VPS35L: variants seen among roughly 807,000 people sequenced by gnomAD.
The protein encoded by VPS35L is VPS35 endosomal protein sorting factor like.
Under a neutral mutation model 133.0 loss-of-function variants are expected in VPS35L, and 83 were observed. The ratio of observed to expected loss-of-function variants is 0.62; its 90% CI spans 0.52 to 0.75. The LOEUF (loss-of-function observed/expected upper bound fraction) is 0.75, where lower values mean the gene tolerates loss of function less well. Ranked by LOEUF, VPS35L falls within the 30% of genes least tolerant of loss-of-function variation. The pLI is 0.00. For missense variants in VPS35L, 1,083 were observed against 1,206.8 expected (o/e 0.90, Z 1.52); for synonymous variants, 423 against 449.9 (o/e 0.94, Z 0.76).
chr16:19,594,959 G>A (rs1300300099), intron 8 of VPS35L, among the ~76,000 whole-genome samples: 1 of 152,128 alleles, frequency 6.6e-6, no homozygotes, highest in Non-Finnish European at 1.5e-5. Context: ...TGGAGGCCAG[G>A]GGCAGAAGAG....
At chr16:19,576,174 A>C (rs1043495084) in intron 5 of VPS35L, among the ~76,000 whole-genome samples, 3 of 142,468 alleles carry the variant, frequency 2.1e-5, no homozygotes, top group African/African-American at 7.9e-5. Flanking sequence ...TCAAAAAAAA[A>C]AAAAAACAAA....
At chr16:19,649,565 A>C (rs1416054994) in intron 24 of VPS35L, among the ~76,000 whole-genome samples, 1 of 152,206 alleles carries the variant, frequency 6.6e-6, no homozygotes, top group East Asian at 1.9e-4. Flanking sequence ...AACGTGCAAC[A>C]AACAAGTATT....
At chr16:19,582,268 C>T (rs1567399078) in intron 7 of VPS35L, among the ~76,000 whole-genome samples, 1 of 152,100 alleles carries the variant, frequency 6.6e-6, no homozygotes, top group East Asian at 1.9e-4. Flanking sequence ...AAAATGTGCT[C>T]AGAAGCATAT....
chr16:19,634,344 G>A (rs898833490), intron 19 of VPS35L, among the ~76,000 whole-genome samples: 2 of 151,050 alleles, frequency 1.3e-5, no homozygotes, highest in Admixed American at 1.3e-4. Flanking sequence ...TGCTATAGTA[G>A]GAGAATCACC....
intron 13 of VPS35L, 79 bp from the exon 14 acceptor site, chr16:19,616,607 C>T: frequency 6.5e-7 from 1 of 1,536,696 alleles, no homozygotes; most frequent in South Asian, 1.2e-5. Flanking sequence ...CAAGTATGCA[C>T]AGTCTGTGAG....
In VPS35L at chr16:19,633,930, G is replaced by A. The variant is rs2353937; in HGVS notation, c.1635+758G>A. ...TTTAGTAGAGTTGGGGTTTCACCGC[G>A]TTAGCCAGGGTGGTCTCGATGTCCT... On this transcript the variant is annotated intron_variant, in intron 19 of 30. Coordinates refer to ENST00000417362, the MANE Select transcript of VPS35L (RefSeq NM_020314.7). The surrounding 1 kb of genome is among the most constrained non-coding windows in gnomAD (Gnocchi z 4.1). 0.4 allele frequency among the ~76,000 whole-genome samples: 60,511 copies of A among 151,480 alleles called. 12,731 individuals carry two copies. Among genetic ancestry groups the A allele is most frequent in the African/African-American group, 0.52 (21,587 of 41,304 alleles).
chr16:19,561,819 C>G (rs779943876), intron 1 of VPS35L, among the ~76,000 whole-genome samples: 9 of 152,112 alleles, frequency 5.9e-5, no homozygotes, highest in Non-Finnish European at 1.3e-4. Context: ...TAAAGAAAAA[C>G]TATTGGCTGG....
At chr16:19,575,683 T>G (rs1367777359) in intron 5 of VPS35L, among the ~76,000 whole-genome samples, 1 of 150,172 alleles carries the variant, frequency 6.7e-6, no homozygotes, top group African/African-American at 2.5e-5. Flanking sequence ...GCCAACATGG[T>G]GAAACCCCAT....
intron 27 of VPS35L, among the ~76,000 whole-genome samples, chr16:19,673,157 A>C (rs1015163299): frequency 6.6e-6 from 1 of 152,184 alleles, no homozygotes; most frequent in Non-Finnish European, 1.5e-5. Flanking sequence ...TGCTTTGTAA[A>C]CCTGAAACTC....
chr16:19,590,463 T>A (rs894437893), intron 7 of VPS35L, among the ~76,000 whole-genome samples: 2 of 152,186 alleles, frequency 1.3e-5, no homozygotes, highest in Non-Finnish European at 2.9e-5. Context: ...GTTATTTAAT[T>A]CCTTATGCTG....
At chr16:19,608,049 G>T (rs1175396901) in intron 9 of VPS35L, 129 bp from the exon 10 acceptor site, 18 of 676,596 alleles carry the variant, frequency 2.7e-5, no homozygotes, top group Non-Finnish European at 4.7e-5. Flanking sequence ...TCCTAATAGT[G>T]ATATTTGGAA....
intron 18 of VPS35L, among the ~76,000 whole-genome samples, chr16:19,630,895 GCTACCCA>G (rs1973435398): frequency 1.3e-5 from 2 of 152,098 alleles, no homozygotes; most frequent in Non-Finnish European, 2.9e-5. Context: ...TGTAGTCCTA[GCTACCCA>G]GGAGGTTGAG....
chr16:19,663,393 A>G (rs1286279017), intron 26 of VPS35L, among the ~76,000 whole-genome samples: 1 of 152,104 alleles, frequency 6.6e-6, no homozygotes, highest in Admixed American at 6.6e-5. Flanking sequence ...CCAATATTAC[A>G]CCTAATAGTT....
rs1343434791 is a variant in VPS35L at position 19,640,059 on chromosome 16, G to A, written c.1743G>A (p.Val581=). 3 of 1,614,230 alleles carry A rather than the reference G, an allele frequency of 1.9e-6. No homozygotes were observed. The Admixed American group carries it at 5.0e-5, about 27-fold the overall frequency. The change falls in exon 21 of 31, where the codon GTG becomes GTA. Residue 581 remains valine, a synonymous_variant. Transcript: ENST00000417362. The stretch of plus-strand genomic sequence containing the variant: ...TGGACATGTTCCAAAAAGAGAGTGT[G>A]CGGGTGGAGGTTTGCAAATGCATCA... The part of the protein sequence containing the change: ...PFLDMFQKES[V]RVEVCKCIMD...
In VPS35L at chr16:19,573,210, C is replaced by G; in HGVS notation, c.377C>G (p.Ala126Gly). The change falls in exon 4 of 31, where the codon GCC becomes GGC. Residue 126 changes from alanine to glycine, a missense_variant. Physicochemically the swap from Ala to Gly is moderately conservative, Grantham distance 60. Coordinates refer to ENST00000417362, the MANE Select transcript of VPS35L (RefSeq NM_020314.7). ...ACCAACAAACGGGGAGAAATCCTTG[C>G]CCGGTACACCACTACCGAAAAGCTG... ...PWTNKRGEIL[A>G]RYTTTEKLSI... 1 of 1,613,910 alleles carries G rather than the reference C, an allele frequency of 6.2e-7. No individual in the cohort carries two copies. The highest frequency in any genetic ancestry group is 8.5e-7 in the Non-Finnish European group (1 of 1,179,872).
At chr16:19,668,619 T>A (rs751587727) in intron 26 of VPS35L, among the ~76,000 whole-genome samples, 1 of 151,808 alleles carries the variant, frequency 6.6e-6, no homozygotes, top group African/African-American at 2.4e-5. Flanking sequence ...TGTGTGTGTG[T>A]GCTGTGTTCC....
At chr16:19,628,231 G>A (rs1194459578) in intron 16 of VPS35L, among the ~76,000 whole-genome samples, 1 of 152,118 alleles carries the variant, frequency 6.6e-6, no homozygotes, top group Non-Finnish European at 1.5e-5. Flanking sequence ...GGGTGTGGTG[G>A]TGCATTCCTG....
intron 27 of VPS35L, among the ~76,000 whole-genome samples, chr16:19,676,855 C>T (rs978701402): frequency 2.0e-5 from 3 of 152,042 alleles, no homozygotes; most frequent in South Asian, 2.1e-4. Context: ...TTGCACAAAG[C>T]GCCATAAAGA....
intron 12 of VPS35L, among the ~76,000 whole-genome samples, chr16:19,615,689 C>G (rs1221439401): frequency 6.6e-6 from 1 of 151,218 alleles, no homozygotes; most frequent in African/African-American, 2.4e-5. Flanking sequence ...AAAAAATAGG[C>G]CGGGCGCTGT....
Sources: allele counts gnomAD v4.1 joint callset (sites outside exome capture counted in the v4.1 genomes callset), GRCh38; gene constraint gnomAD v4.1.1; non-coding constraint Gnocchi (gnomAD v3.1); transcripts MANE v1.5; gene names NCBI Gene and HGNC (gene_info 2026-07-23, HGNC 2026-07-21).